The following EYS variants were observed in gnomAD, a reference collection of about 807,000 sequenced individuals.
EYS encodes the protein protein eyes shut homolog.
EYS carries 250 observed loss-of-function variants against 282.1 expected under a neutral mutation model. The observed-to-expected ratio is 0.89, with a 90% confidence interval of 0.80 to 0.98. EYS has a LOEUF of 0.98. Among genes scored for constraint, EYS ranks in the 50% least tolerant of loss-of-function variants. The pLI is 0.00. For missense variants in EYS, 4,016 were observed against 3,709.0 expected (o/e 1.08, Z -2.15); for synonymous variants, 1,355 against 1,282.9 (o/e 1.06, Z -1.20).
intron 12 of EYS, among the ~76,000 whole-genome samples, chr6:65,064,541 A>G (rs1472381813): frequency 2.7e-5 from 4 of 147,556 alleles, no homozygotes; most frequent in Non-Finnish European, 1.5e-5. Flanking sequence ...ATACTCTGCT[A>G]TATACTAATA....
At chr6:64,971,802 C>T (rs1375091492) in intron 14 of EYS, among the ~76,000 whole-genome samples, 9 of 151,948 alleles carry the variant, frequency 5.9e-5, no homozygotes, top group African/African-American at 2.2e-4. Context: ...AAGAGAATCC[C>T]GATAGAGAGA....
intron 35 of EYS, among the ~76,000 whole-genome samples, chr6:63,975,265 G>A (rs554194352): frequency 6.6e-6 from 1 of 151,960 alleles, no homozygotes; most frequent in East Asian, 1.9e-4. Flanking sequence ...ATGTGGAAAA[G>A]GTTTCCATGT....
chr6:65,338,464 A>G (rs917061538), intron 10 of EYS, among the ~76,000 whole-genome samples: 3 of 151,206 alleles, frequency 2.0e-5, no homozygotes, highest in African/African-American at 7.3e-5. Flanking sequence ...ATTCTATTAA[A>G]CATTCTATCA....
intron 7 of EYS, among the ~76,000 whole-genome samples, chr6:65,389,405 C>A (rs949751818): frequency 1.3e-5 from 2 of 152,120 alleles, no homozygotes; most frequent in Non-Finnish European, 2.9e-5. Context: ...ACACTCTTCC[C>A]TTAGACAGCT....
intron 22 of EYS, among the ~76,000 whole-genome samples, chr6:64,686,825 ATATATATATATACGTG>A (rs1770142242): frequency 1.1e-4 from 2 of 17,676 alleles, no homozygotes; most frequent in Admixed American, 7.7e-4. Context: ...ATATATGTGT[ATATATATATATACGTG>A]TATATATATA....
intron 13 of EYS, among the ~76,000 whole-genome samples, chr6:65,032,265 A>G (rs1772628945): frequency 6.6e-6 from 1 of 152,180 alleles, no homozygotes; most frequent in Non-Finnish European, 1.5e-5. Context: ...CCAACCAGAA[A>G]AAGCCCATGA....
At chr6:63,916,636 T>A (rs1036085178) in intron 35 of EYS, among the ~76,000 whole-genome samples, 1 of 152,250 alleles carries the variant, frequency 6.6e-6, no homozygotes, top group Non-Finnish European at 1.5e-5. Context: ...CTTCATCAGA[T>A]ATATAATTTG....
chr6:63,778,346 TA>T (rs1442323851), intron 39 of EYS, 166 bp from the exon 40 acceptor site: 1 of 668,930 alleles, frequency 1.5e-6, no homozygotes, highest in African/African-American at 1.8e-5. Flanking sequence ...AATTTTTTTT[TA>T]AAAGTCATTC....
At chr6:64,830,447 T>C (rs1004955304) in intron 19 of EYS, among the ~76,000 whole-genome samples, 1 of 151,926 alleles carries the variant, frequency 6.6e-6, no homozygotes, top group Admixed American at 6.6e-5. Context: ...AGAGTCTTCA[T>C]TGTCATTCAT....
At chr6:64,434,463 T>A (rs1315565509) in intron 28 of EYS, among the ~76,000 whole-genome samples, 1 of 152,094 alleles carries the variant, frequency 6.6e-6, no homozygotes, top group East Asian at 1.9e-4. Context: ...TAATTAATAT[T>A]GTTGTTTCTT....
At chr6:64,281,918 T>C (rs1391829408) in intron 30 of EYS, among the ~76,000 whole-genome samples, 1 of 152,058 alleles carries the variant, frequency 6.6e-6, no homozygotes, top group East Asian at 1.9e-4. Flanking sequence ...GCCTTGAATA[T>C]GGAGTAGAGG....
chr6:65,395,342 C>T (rs1395657118), intron 7 of EYS, among the ~76,000 whole-genome samples: 3 of 152,170 alleles, frequency 2.0e-5, no homozygotes, highest in Non-Finnish European at 4.4e-5. Context: ...GGATTACAGG[C>T]GTGAGCCACT....
intron 35 of EYS, among the ~76,000 whole-genome samples, chr6:63,951,573 G>A (rs1345161182): frequency 6.6e-6 from 1 of 151,820 alleles, no homozygotes; most frequent in East Asian, 1.9e-4. Context: ...TCCTCCTCAG[G>A]TCACTCCCCA....
At chr6:63,969,416 A>G (rs1766453105) in intron 35 of EYS, among the ~76,000 whole-genome samples, 1 of 152,170 alleles carries the variant, frequency 6.6e-6, no homozygotes, top group African/African-American at 2.4e-5. Flanking sequence ...ATTTTTGTTT[A>G]TTTCCACTGT....
intron 22 of EYS, among the ~76,000 whole-genome samples, chr6:64,649,664 A>G (rs1481582105): frequency 6.6e-6 from 1 of 152,108 alleles, no homozygotes; most frequent in Non-Finnish European, 1.5e-5. Flanking sequence ...TAGAAATCAT[A>G]ATTGCTTCTC....
chr6:64,380,952 T>C (rs1582675699), intron 29 of EYS, among the ~76,000 whole-genome samples: 1 of 150,568 alleles, frequency 6.6e-6, no homozygotes, highest in Admixed American at 6.6e-5. Flanking sequence ...GAGGCGGAGG[T>C]TGCAGTGAGC....
chr6:64,234,565 T>C (rs1766525045), intron 30 of EYS, among the ~76,000 whole-genome samples: 1 of 152,194 alleles, frequency 6.6e-6, no homozygotes, highest in Non-Finnish European at 1.5e-5. Context: ...ATAATTTGCA[T>C]ACATAGTGTA....
chr6:63,838,148 T>A (rs896436027), intron 36 of EYS, among the ~76,000 whole-genome samples: 4 of 152,146 alleles, frequency 2.6e-5, no homozygotes, highest in East Asian at 1.9e-4. Context: ...TAGAAAAAAA[T>A]TCCCAGATAA....
At chr6:65,408,005 T>A (rs897323116) in intron 5 of EYS, among the ~76,000 whole-genome samples, 9 of 152,134 alleles carry the variant, frequency 5.9e-5, no homozygotes. Flanking sequence ...TGAATAGGTG[T>A]TAGATTTTGT....
Sources: allele counts gnomAD v4.1 joint callset (sites outside exome capture counted in the v4.1 genomes callset), GRCh38; gene constraint gnomAD v4.1.1; transcripts MANE v1.5; gene names NCBI Gene and HGNC (gene_info 2026-07-23, HGNC 2026-07-21).